The following AUTS2 variants were observed in gnomAD, a reference collection of about 807,000 sequenced individuals.
AUTS2 encodes autism susceptibility gene 2 protein.
AUTS2 carries 17 observed loss-of-function variants against 112.4 expected under a neutral mutation model. That is an observed-to-expected ratio of 0.15 (90% CI 0.10 to 0.23). The LOEUF (loss-of-function observed/expected upper bound fraction) is 0.23. Ranked by LOEUF, AUTS2 falls within the 10% of genes least tolerant of loss-of-function variation. AUTS2 has a pLI of 1.00. For missense variants in AUTS2, 1,510 were observed against 1,701.6 expected (o/e 0.89, Z 1.98); for synonymous variants, 751 against 702.7 (o/e 1.07, Z -1.09).
At chr7:69,897,009 G>A (rs1000911755) in intron 1 of AUTS2, among the ~76,000 whole-genome samples, 5 of 152,184 alleles carry the variant, frequency 3.3e-5, no homozygotes, top group African/African-American at 1.2e-4. Flanking sequence ...TATTTGTCCT[G>A]TAAATTCTAG....
intron 1 of AUTS2, among the ~76,000 whole-genome samples, chr7:69,695,174 G>GA (rs947439328): frequency 6.6e-6 from 1 of 151,390 alleles, no homozygotes; most frequent in African/African-American, 2.4e-5. Context: ...AAAGAAAAAA[G>GA]AAAAAAAAGT....
intron 4 of AUTS2, among the ~76,000 whole-genome samples, chr7:70,384,358 A>T (rs534371953): frequency 6.6e-6 from 1 of 152,232 alleles, no homozygotes; most frequent in South Asian, 2.1e-4. Flanking sequence ...GCATAAATCC[A>T]TGGTAACCTG....
At chr7:70,194,643 G>A (rs6961345) in intron 4 of AUTS2, 49,195 of 151,884 alleles carry the variant, frequency 0.32, 8,657 homozygotes, top group African/African-American at 0.47. Flanking sequence ...AGCTTATTAC[G>A]TGTTTGCTAT....
intron 1 of AUTS2, among the ~76,000 whole-genome samples, chr7:69,673,089 C>T (rs1259191476): frequency 2.0e-5 from 3 of 152,164 alleles, no homozygotes; most frequent in Non-Finnish European, 4.4e-5. Flanking sequence ...GATAATTTAG[C>T]TTATGCCCTT....
At chr7:70,400,834 T>C (rs1794296248) in intron 4 of AUTS2, among the ~76,000 whole-genome samples, 1 of 152,120 alleles carries the variant, frequency 6.6e-6, no homozygotes, top group African/African-American at 2.4e-5. Flanking sequence ...AATCCTAATC[T>C]ATAGGTTTGG....
intron 2 of AUTS2, among the ~76,000 whole-genome samples, chr7:69,932,682 A>G (rs946700931): frequency 6.6e-6 from 1 of 152,230 alleles, no homozygotes; most frequent in African/African-American, 2.4e-5. Context: ...TTGAACACTC[A>G]GTGTGACTTT....
chr7:70,681,906 G>A (rs554898438), intron 5 of AUTS2, among the ~76,000 whole-genome samples: 3 of 152,218 alleles, frequency 2.0e-5, no homozygotes, highest in Admixed American at 6.5e-5. Flanking sequence ...TCACACTCCC[G>A]AGGCCGTCAG....
chr7:70,530,676 A>G (rs141382226), intron 5 of AUTS2, among the ~76,000 whole-genome samples: 322 of 152,094 alleles, frequency 2.1e-3, no homozygotes, highest in African/African-American at 7.2e-3. Context: ...GCTTATGGTC[A>G]CTGCTTTTAT....
chr7:70,235,834 G>A (rs1812299591), intron 4 of AUTS2, among the ~76,000 whole-genome samples: 1 of 151,864 alleles, frequency 6.6e-6, no homozygotes, highest in Non-Finnish European at 1.5e-5. Context: ...TGTGTTTTTA[G>A]TAGAGACGGG....
chr7:70,399,148 G>A (rs984051766), intron 4 of AUTS2, among the ~76,000 whole-genome samples: 3 of 151,606 alleles, frequency 2.0e-5, no homozygotes, highest in Non-Finnish European at 2.9e-5. Context: ...CACTATGCCT[G>A]GCTGATTTTT....
In AUTS2 at chr7:69,938,571, A is replaced by C. The variant is rs570563940; in HGVS notation, c.522+39073A>C. ...GACCTTGCCCTGAACCCAAAACTAA[A>C]CATGAATGAAACTATAGAAATAACT... is the stretch of plus-strand genomic sequence containing the variant. On this transcript the variant is annotated intron_variant, in intron 2 of 18. Coordinates refer to ENST00000342771, the MANE Select transcript of AUTS2 (RefSeq NM_015570.4). Among the ~76,000 whole-genome samples, 5 of 152,354 alleles carry C rather than the reference A, an allele frequency of 3.3e-5. No homozygotes were observed. In the East Asian group the frequency reaches 9.6e-4, roughly 29 times the overall value.
intron 1 of AUTS2, among the ~76,000 whole-genome samples, chr7:69,888,542 T>TAG (rs1232222451): frequency 1.2e-5 from 1 of 82,854 alleles, no homozygotes; most frequent in African/African-American, 4.3e-5. Flanking sequence ...ACATTGGGGA[T>TAG]ATATATATAT....
intron 1 of AUTS2, among the ~76,000 whole-genome samples, chr7:69,694,736 A>C (rs1277613547): frequency 6.6e-6 from 1 of 152,208 alleles, no homozygotes; most frequent in African/African-American, 2.4e-5. Flanking sequence ...AAGTAATTAT[A>C]GTTGTAATGC....
At chr7:69,769,109 T>C (rs982209209) in intron 1 of AUTS2, among the ~76,000 whole-genome samples, 4 of 152,232 alleles carry the variant, frequency 2.6e-5, no homozygotes, top group Non-Finnish European at 5.9e-5. Context: ...GATAATTTCA[T>C]TGAACCATGT....
chr7:70,072,894 T>C (rs1802842785), intron 2 of AUTS2, among the ~76,000 whole-genome samples: 1 of 152,196 alleles, frequency 6.6e-6, no homozygotes, highest in Non-Finnish European at 1.5e-5. Context: ...GTGATTTAAA[T>C]GTTAGAGTTT....
chr7:69,755,171 T>G (rs751287518), intron 1 of AUTS2, among the ~76,000 whole-genome samples: 3 of 152,150 alleles, frequency 2.0e-5, no homozygotes, highest in Non-Finnish European at 4.4e-5. Context: ...TTTGAGACAG[T>G]GGCCTTATCG....
intron 1 of AUTS2, among the ~76,000 whole-genome samples, chr7:69,695,155 T>C (rs1436165914): frequency 6.6e-6 from 1 of 151,848 alleles, no homozygotes; most frequent in Non-Finnish European, 1.5e-5. Flanking sequence ...AGACTCCATT[T>C]CTACAAAAAA....
chr7:70,688,761 C>T (rs1469598010), intron 5 of AUTS2, among the ~76,000 whole-genome samples: 2 of 152,172 alleles, frequency 1.3e-5, no homozygotes, highest in Admixed American at 1.3e-4. Flanking sequence ...TAGTTGGAGG[C>T]TGCAGTGAGC....
At chr7:70,489,903 CT>C (rs1191532796) in intron 5 of AUTS2, among the ~76,000 whole-genome samples, 1 of 152,086 alleles carries the variant, frequency 6.6e-6, no homozygotes, top group Non-Finnish European at 1.5e-5. Flanking sequence ...CAACATATTT[CT>C]AAAAAATCCA....
Sources: gnomAD v4.1 joint callset for allele counts (sites outside exome capture counted in the v4.1 genomes callset) on GRCh38, gnomAD v4.1.1 for gene constraint, MANE v1.5 for transcripts, NCBI Gene and HGNC (gene_info 2026-07-23, HGNC 2026-07-21) for gene names.